The following TFCP2L1 variants were observed in gnomAD, a reference collection of about 807,000 sequenced individuals.
The protein encoded by TFCP2L1 is transcription factor CP2-like protein 1.
TFCP2L1 carries 12 observed loss-of-function variants against 72.2 expected under a neutral mutation model. That is an observed-to-expected ratio of 0.17 (90% CI 0.11 to 0.27). The LOEUF is 0.27. Among genes scored for constraint, TFCP2L1 ranks in the 10% least tolerant of loss-of-function variants. The probability of loss-of-function intolerance (pLI) is 1.00; values close to 1 mark genes in which losing one functional copy is unlikely to be tolerated. For synonymous variants in TFCP2L1, 260 were observed against 251.0 expected, an observed-to-expected ratio of 1.04 and a Z score of -0.34; for missense variants, 488 against 624.6, an observed-to-expected ratio of 0.78 and a Z score of 2.33.
At chr2:121,248,072 G>C in intron 5 of TFCP2L1, 92 bp downstream of exon 5, 1 of 1,034,072 alleles carries the variant, frequency 9.7e-7, no homozygotes, top group Non-Finnish European at 1.4e-6. Flanking sequence ...AGCTCATCCA[G>C]ACCCTCCCAG....
intron 13 of TFCP2L1, among the ~76,000 whole-genome samples, chr2:121,231,182 C>T (rs375646192): frequency 6.6e-6 from 1 of 152,222 alleles, no homozygotes; most frequent in African/African-American, 2.4e-5. Context: ...AAAACAAGTA[C>T]ACACTCCTGT....
At chr2:121,240,185 A>G (rs1317821081) in intron 7 of TFCP2L1, 3 of 985,180 alleles carry the variant, frequency 3.0e-6, no homozygotes, top group Non-Finnish European at 3.6e-6. Flanking sequence ...GTGAAATTTG[A>G]TGGTGTTCAT....
chr2:121,255,744 TA>T (rs1334299930), intron 2 of TFCP2L1, among the ~76,000 whole-genome samples: 3 of 145,144 alleles, frequency 2.1e-5, no homozygotes, highest in African/African-American at 7.7e-5. Context: ...CCCCTGAACT[TA>T]TTTTTTTTTT....
rs182241582 is a variant in TFCP2L1 at position 121,234,192 on chromosome 2, T to C, written c.1097A>G (p.Asn366Ser). The change falls in exon 12 of 15, where the codon AAT becomes AGT. Residue 366 changes from asparagine (N) to serine (S), a missense_variant and splice_region_variant. Physicochemically the swap from Asn to Ser is conservative, Grantham distance 46 (BLOSUM62 1). Transcript: ENST00000263707. ...ATAAATGGTCATCTTTGGCCTCACA[T>C]TCCTGGCAGGAGAAGAGAAAATAAA... ...IRLFNAIKGR[N>S]VRPKMTIYVC... 2.5e-6 allele frequency: 4 copies of C among 1,613,988 alleles called. No homozygotes were observed. The highest frequency in any genetic ancestry group is 3.3e-5 in the Admixed American group (2 of 60,028).
chr2:121,284,985 G>A (rs1558750640), intron 1 of TFCP2L1, 63 bp downstream of exon 1: 25 of 1,398,520 alleles, frequency 1.8e-5, no homozygotes, highest in African/African-American at 3.0e-5. Context: ...GCCCCTGGAC[G>A]TCCAACGGCG....
chr2:121,244,596 C>G (rs941796980), intron 6 of TFCP2L1, among the ~76,000 whole-genome samples: 7 of 152,174 alleles, frequency 4.6e-5, no homozygotes, highest in Non-Finnish European at 7.4e-5. Flanking sequence ...GTTGAGGAGC[C>G]TGGTAGACAG....
chr2:121,284,654 C>G (rs1430102366), intron 1 of TFCP2L1, among the ~76,000 whole-genome samples: 2 of 152,222 alleles, frequency 1.3e-5, no homozygotes, highest in Non-Finnish European at 1.5e-5. Flanking sequence ...ACGAACTTCC[C>G]CGGGCCGGGC....
chr2:121,248,361 C>A (rs757839398), intron 4 of TFCP2L1, 91 bp from the exon 5 acceptor site: 2 of 1,042,844 alleles, frequency 1.9e-6, no homozygotes, highest in East Asian at 2.8e-5. Flanking sequence ...CCAATTCCTT[C>A]GCCCCAATTT....
At chr2:121,226,269 A>AT (rs1686031412) in intron 13 of TFCP2L1, among the ~76,000 whole-genome samples, 1 of 151,808 alleles carries the variant, frequency 6.6e-6, no homozygotes, top group South Asian at 2.1e-4. Context: ...CATGATTGCA[A>AT]TTTAAGTAAC....
chr2:121,241,107 C>T (rs1230941995), intron 7 of TFCP2L1, among the ~76,000 whole-genome samples: 1 of 152,176 alleles, frequency 6.6e-6, no homozygotes, highest in Non-Finnish European at 1.5e-5. Flanking sequence ...GAACAAACAC[C>T]ACCACCAATC....
At chr2:121,230,681 G>A (rs1200935101) in intron 13 of TFCP2L1, among the ~76,000 whole-genome samples, 3 of 152,120 alleles carry the variant, frequency 2.0e-5, no homozygotes, top group African/African-American at 7.2e-5. Context: ...CCTGAGGTGG[G>A]AGGATGGCCT....
chr2:121,235,331 G>A lies in TFCP2L1; in HGVS notation c.1004-20C>T. 1 of 1,613,566 alleles carries A rather than the reference G, an allele frequency of 6.2e-7. No homozygotes were observed. The highest frequency in any genetic ancestry group is 8.5e-7 in the Non-Finnish European group (1 of 1,179,604). ...CAGCACCTAGGCAGGAAAAAAACGG[G>A]GATGCCTGTTACATGGAACCCAGAG... On this transcript the variant is annotated intron_variant, in intron 10 of 14. Coordinates refer to ENST00000263707, the MANE Select transcript of TFCP2L1 (RefSeq NM_014553.3).
chr2:121,278,519 C>A (rs1687192647), intron 2 of TFCP2L1, among the ~76,000 whole-genome samples: 1 of 149,380 alleles, frequency 6.7e-6, no homozygotes, highest in African/African-American at 2.5e-5. Flanking sequence ...AACCCCGTCT[C>A]TACTAAAAAT....
intron 12 of TFCP2L1, 31 bp from the exon 13 acceptor site, chr2:121,231,999 C>G (rs372763147): frequency 1.3e-5 from 20 of 1,549,348 alleles, no homozygotes; most frequent in Non-Finnish European, 1.8e-5. Flanking sequence ...TGCTGCTTTC[C>G]AAGTGGCCAT....
At chr2:121,230,671 C>T (rs138404882) in intron 13 of TFCP2L1, among the ~76,000 whole-genome samples, 2,241 of 151,904 alleles carry the variant, frequency 0.015, 69 homozygotes, top group African/African-American at 0.051. Flanking sequence ...TACTTAGGAG[C>T]CTGAGGTGGG....
intron 2 of TFCP2L1, among the ~76,000 whole-genome samples, chr2:121,251,921 A>G (rs1031308944): frequency 6.6e-6 from 1 of 152,262 alleles, no homozygotes; most frequent in Non-Finnish European, 1.5e-5. Context: ...CTGGCTATAT[A>G]AAATTTAAAA....
chr2:121,241,418 AC>A (rs1490648144), intron 7 of TFCP2L1, among the ~76,000 whole-genome samples: 1 of 152,104 alleles, frequency 6.6e-6, no homozygotes, highest in Non-Finnish European at 1.5e-5. Flanking sequence ...AATCCCTTGA[AC>A]CCAGGAGATG....
intron 13 of TFCP2L1, among the ~76,000 whole-genome samples, chr2:121,228,652 G>A (rs1191640463): frequency 2.0e-5 from 3 of 151,280 alleles, no homozygotes; most frequent in African/African-American, 7.3e-5. Context: ...TGTGGTCCCA[G>A]CTACTCAGAA....
chr2:121,227,034 G>A (rs911990740), intron 13 of TFCP2L1, among the ~76,000 whole-genome samples: 1 of 152,156 alleles, frequency 6.6e-6, no homozygotes, highest in African/African-American at 2.4e-5. Flanking sequence ...CATGCTCCTC[G>A]GCAGTGCCAA....
Sources: allele counts gnomAD v4.1 joint callset (sites outside exome capture counted in the v4.1 genomes callset), GRCh38; gene constraint gnomAD v4.1.1; transcripts MANE v1.5; gene names NCBI Gene and HGNC (gene_info 2026-07-23, HGNC 2026-07-21).